FHIT: variants seen among roughly 807,000 people sequenced by gnomAD.
FHIT encodes the protein fragile histidine triad diadenosine triphosphatase.
In FHIT, 19 loss-of-function variants were observed where a neutral mutation model predicts 17.9. That is an observed-to-expected ratio of 1.06 (90% CI 0.74 to 1.56). FHIT has a LOEUF of 1.56. Ranked by LOEUF, FHIT falls within the 40% of genes most tolerant of loss-of-function variation. The probability of loss-of-function intolerance (pLI) is 0.00; values close to 1 mark genes in which losing one functional copy is unlikely to be tolerated. For synonymous variants in FHIT, 81 were observed against 69.7 expected, an observed-to-expected ratio of 1.16 and a Z score of -0.81; for missense variants, 248 against 189.2, an observed-to-expected ratio of 1.31 and a Z score of -1.82.
At chr3:60,509,440 T>C (rs4679479) in intron 5 of FHIT, among the ~76,000 whole-genome samples, 8,316 of 152,296 alleles carry the variant, frequency 0.055, 493 homozygotes, top group East Asian at 0.26. Context: ...AGATAATAAA[T>C]AGATGAATTA....
chr3:60,462,056 G>A (rs440337), intron 5 of FHIT, among the ~76,000 whole-genome samples: 2 of 152,136 alleles, frequency 1.3e-5, no homozygotes, highest in Non-Finnish European at 2.9e-5. Flanking sequence ...AACTAACACT[G>A]AATGGGTGCC....
chr3:59,969,010 A>G (rs1047423081), intron 7 of FHIT, among the ~76,000 whole-genome samples: 2 of 152,156 alleles, frequency 1.3e-5, no homozygotes, highest in Non-Finnish European at 2.9e-5. Context: ...TCTAATGAAC[A>G]TATTTTGGGA....
At chr3:60,398,140 A>C (rs914211887) in intron 5 of FHIT, among the ~76,000 whole-genome samples, 5 of 152,262 alleles carry the variant, frequency 3.3e-5, no homozygotes, top group East Asian at 3.9e-4. Context: ...AGCTGAACTA[A>C]GGAGCAAAAA....
chr3:61,179,008 CTT>C (rs778191387), intron 2 of FHIT, among the ~76,000 whole-genome samples: 10 of 127,596 alleles, frequency 7.8e-5, no homozygotes, highest in Non-Finnish European at 8.2e-5. Flanking sequence ...TTTTCTTTTT[CTT>C]TTTTTTTTTT....
chr3:59,883,838 C>A (rs1703508516), intron 8 of FHIT, among the ~76,000 whole-genome samples: 1 of 152,190 alleles, frequency 6.6e-6, no homozygotes, highest in African/African-American at 2.4e-5. Flanking sequence ...ATTATGGAGA[C>A]AAAGCTTAAA....
intron 5 of FHIT, among the ~76,000 whole-genome samples, chr3:60,243,633 A>G (rs1705245664): frequency 6.6e-6 from 1 of 152,128 alleles, no homozygotes; most frequent in Non-Finnish European, 1.5e-5. Flanking sequence ...TATAGACACC[A>G]GTTCAACAGC....
chr3:59,990,722 C>T (rs908245003), intron 7 of FHIT, among the ~76,000 whole-genome samples: 1 of 151,990 alleles, frequency 6.6e-6, no homozygotes, highest in South Asian at 2.1e-4. Context: ...GGCTCAATAA[C>T]CACTTGGGGA....
intron 2 of FHIT, among the ~76,000 whole-genome samples, chr3:61,042,419 G>T (rs993262237): frequency 6.6e-6 from 1 of 152,152 alleles, no homozygotes; most frequent in Non-Finnish European, 1.5e-5. Context: ...AACCTCGGAG[G>T]TAAGTTGGGG....
At chr3:61,073,893 C>T (rs2106749892) in intron 2 of FHIT, among the ~76,000 whole-genome samples, 1 of 148,454 alleles carries the variant, frequency 6.7e-6, no homozygotes, top group East Asian at 1.9e-4. Context: ...CTCTTCATTA[C>T]CTCCTTGAAT....
intron 3 of FHIT, among the ~76,000 whole-genome samples, chr3:60,887,208 G>A (rs564983779): frequency 4.6e-5 from 7 of 152,098 alleles, no homozygotes; most frequent in East Asian, 1.9e-4. Context: ...TGTTTAGGTC[G>A]TCTAGAATGA....
chr3:61,039,703 G>A lies in FHIT; in HGVS notation c.-111+2344C>T, dbSNP rs147351476. ...GAACATCACATACCGGGGCCTATTTGAGGGGTAGGAGTCTGCGGGGGTTAG... is the reference window on the plus strand; with the variant it reads ...GAACATCACATACCGGGGCCTATTTAAGGGGTAGGAGTCTGCGGGGGTTAG... On this transcript the variant is annotated intron_variant, in intron 3 of 9. Coordinates refer to ENST00000492590, the MANE Select transcript of FHIT (RefSeq NM_002012.4). Among the ~76,000 whole-genome samples the A allele has an allele frequency of 8.4e-3, 1,277 of 152,226 alleles. 13 individuals carry two copies. The highest frequency in any genetic ancestry group is 0.012 in the Non-Finnish European group (817 of 68,028).
At chr3:59,858,074 C>G (rs1702243299) in intron 8 of FHIT, among the ~76,000 whole-genome samples, 1 of 151,920 alleles carries the variant, frequency 6.6e-6, no homozygotes, top group African/African-American at 2.4e-5. Flanking sequence ...GCCTTGGAGA[C>G]AAGTAAGTAA....
intron 3 of FHIT, among the ~76,000 whole-genome samples, chr3:61,001,204 T>C (rs913982137): frequency 1.3e-5 from 2 of 152,220 alleles, no homozygotes; most frequent in Non-Finnish European, 2.9e-5. Context: ...CAGACATTGC[T>C]GATGGGAATG....
chr3:60,298,258 C>A (rs145999091), intron 5 of FHIT, among the ~76,000 whole-genome samples: 1 of 152,068 alleles, frequency 6.6e-6, no homozygotes, highest in African/African-American at 2.4e-5. Flanking sequence ...CAGACCCTCT[C>A]CCCTCCCTAG....
chr3:60,188,547 T>C (rs971600155), intron 5 of FHIT, among the ~76,000 whole-genome samples: 3 of 152,166 alleles, frequency 2.0e-5, no homozygotes, highest in African/African-American at 4.8e-5. Flanking sequence ...TAGTGAAAGC[T>C]TTGGACACAG....
At chr3:60,560,774 G>A (rs2036908206) in intron 4 of FHIT, among the ~76,000 whole-genome samples, 1 of 148,296 alleles carries the variant, frequency 6.7e-6, no homozygotes, top group Admixed American at 6.8e-5. Context: ...ACCAGGCAAG[G>A]CAGTTGCCAT....
chr3:60,305,905 T>C (rs1708649517), intron 5 of FHIT, among the ~76,000 whole-genome samples: 1 of 152,150 alleles, frequency 6.6e-6, no homozygotes, highest in Non-Finnish European at 1.5e-5. Flanking sequence ...GGAATTTTTA[T>C]TGAACTTGAT....
rs561708346 is a variant in FHIT at position 59,983,014 on chromosome 3, C to G, written c.279+28357G>C. Among the ~76,000 whole-genome samples, 32 of 152,158 alleles carry G rather than the reference C, an allele frequency of 2.1e-4. 1 individual carries two copies. In the South Asian group the frequency reaches 6.2e-3, roughly 30 times the overall value. ...AGCACAATGCCACTATCTCAGCTCA[C>G]TGCAACCCCCACCTCCCTGGCTCAA... On this transcript the variant is annotated intron_variant, in intron 7 of 9. Coordinates refer to ENST00000492590, the MANE Select transcript of FHIT (RefSeq NM_002012.4).
chr3:61,170,083 C>T (rs1560037641), intron 2 of FHIT, among the ~76,000 whole-genome samples: 1 of 152,008 alleles, frequency 6.6e-6, no homozygotes, highest in Non-Finnish European at 1.5e-5. Flanking sequence ...GGGCCAAGGT[C>T]GCTAGTTGAG....
Sources: gnomAD v4.1 joint callset for allele counts (sites outside exome capture counted in the v4.1 genomes callset) on GRCh38, gnomAD v4.1.1 for gene constraint, MANE v1.5 for transcripts, NCBI Gene and HGNC (gene_info 2026-07-23, HGNC 2026-07-21) for gene names.